GABRB3: variants seen among roughly 807,000 people sequenced by gnomAD.
GABRB3 encodes gamma-aminobutyric acid type A receptor subunit beta3, also known as gamma-aminobutyric acid receptor subunit beta-3.
GABRB3 carries 14 observed loss-of-function variants against 52.1 expected under a neutral mutation model. The observed-to-expected ratio is 0.27, with a 90% CI of 0.18 to 0.42. The LOEUF (loss-of-function observed/expected upper bound fraction) is 0.42, where lower values mean the gene tolerates loss of function less well. Ranked by LOEUF, GABRB3 falls within the 10% of genes least tolerant of loss-of-function variation. The pLI is 1.00. For missense variants in GABRB3, 307 were observed against 609.1 expected (o/e 0.50, Z 5.22); for synonymous variants, 260 against 232.3 (o/e 1.12, Z -1.08).
intron 8 of GABRB3, among the ~76,000 whole-genome samples, chr15:26,554,509 G>A (rs1889680529): frequency 6.6e-6 from 1 of 151,922 alleles, no homozygotes; most frequent in South Asian, 2.1e-4. Context: ...GAACTTTGAC[G>A]ATTCTAATGA....
At chr15:26,670,341 G>C (rs567374167) in intron 3 of GABRB3, among the ~76,000 whole-genome samples, 1 of 152,308 alleles carries the variant, frequency 6.6e-6, no homozygotes, top group African/African-American at 2.4e-5. Context: ...ACGGCGCACT[G>C]GACAGACCCG....
intron 3 of GABRB3, among the ~76,000 whole-genome samples, chr15:26,753,462 T>C (rs1890572606): frequency 6.6e-6 from 1 of 152,134 alleles, no homozygotes; most frequent in African/African-American, 2.4e-5. Flanking sequence ...GGTGAATAAT[T>C]ACATATTGGA....
intron 6 of GABRB3, among the ~76,000 whole-genome samples, chr15:26,570,993 A>AG (rs1329284938): frequency 6.6e-6 from 1 of 152,184 alleles, no homozygotes; most frequent in African/African-American, 2.4e-5. Flanking sequence ...GAATGAAAAT[A>AG]GGAGTATTTA....
chr15:26,656,704 C>T (rs1430550046), intron 3 of GABRB3, among the ~76,000 whole-genome samples: 1 of 152,150 alleles, frequency 6.6e-6, no homozygotes, highest in African/African-American at 2.4e-5. Flanking sequence ...TTATGAGAGT[C>T]GAATGCCTGA....
rs558946804 is a variant in GABRB3, at chr15:26,551,845, C to A, written c.1081-3711G>T. ...TGAGTGCTTGGAGATGGGAATGGAC[C>A]GAGATCACACCACCTGTGCTGGAAG... On this transcript the variant is annotated intron_variant, in intron 8 of 8. Coordinates refer to ENST00000311550, the MANE Select transcript of GABRB3 (RefSeq NM_000814.6). 5.9e-5 allele frequency among the ~76,000 whole-genome samples: 9 copies of A among 151,740 alleles called. No individual in the cohort carries two copies. The East Asian group carries it at 1.8e-3, about 30-fold the overall frequency.
intron 6 of GABRB3, among the ~76,000 whole-genome samples, chr15:26,574,883 T>C (rs1469282452): frequency 6.6e-6 from 1 of 152,208 alleles, no homozygotes; most frequent in Non-Finnish European, 1.5e-5. Flanking sequence ...AATTGTATGG[T>C]ATGCGAATTG....
At chr15:26,640,577 C>T (rs569509332) in intron 3 of GABRB3, among the ~76,000 whole-genome samples, 1 of 152,262 alleles carries the variant, frequency 6.6e-6, no homozygotes, top group Admixed American at 6.5e-5. Context: ...CATCAACTAT[C>T]AAGTTAATTG....
chr15:26,727,178 T>C (rs1444385106), intron 3 of GABRB3, among the ~76,000 whole-genome samples: 2 of 152,032 alleles, frequency 1.3e-5, no homozygotes, highest in Non-Finnish European at 2.9e-5. Context: ...GAAAAATCAC[T>C]CACCAGTTTT....
intron 3 of GABRB3, chr15:26,642,354 C>G (rs1433730499): frequency 2.0e-6 from 1 of 512,606 alleles, no homozygotes; most frequent in Non-Finnish European, 3.2e-6. Flanking sequence ...TTTTGGTGTA[C>G]TTGGAGGTAT....
At chr15:26,585,619 T>A (rs980258880) in intron 4 of GABRB3, among the ~76,000 whole-genome samples, 3 of 152,330 alleles carry the variant, frequency 2.0e-5, no homozygotes, top group African/African-American at 7.2e-5. Context: ...CAATGCTTAA[T>A]TTTTTATGCA....
At chr15:26,622,652 G>T (rs939440043) in intron 3 of GABRB3, among the ~76,000 whole-genome samples, 3 of 152,154 alleles carry the variant, frequency 2.0e-5, no homozygotes, top group Non-Finnish European at 4.4e-5. Context: ...CTCGACACAG[G>T]CCTCCTGACA....
rs192834714 is a variant in GABRB3 at position 26,569,388 on chromosome 15, G to T, written c.683-1655C>A. 2.0e-4 allele frequency: 30 copies of T among 152,280 alleles called. No homozygotes were observed. The East Asian group carries it at 4.8e-3, about 25-fold the overall frequency. The allele number at this position is 152,280 out of a possible 1,614,324, so 9.4% of individuals were successfully genotyped here. On this transcript the variant is annotated intron_variant, in intron 6 of 8. Coordinates refer to ENST00000311550, the MANE Select transcript of GABRB3 (RefSeq NM_000814.6). ...GTCTGTGTAGAATTTCTCTTACACAGCTCTGATCAAATGCATATATCACAT... is the reference window on the plus strand; with the variant it reads ...GTCTGTGTAGAATTTCTCTTACACATCTCTGATCAAATGCATATATCACAT...
At chr15:26,759,411 C>G (rs1165934918) in intron 3 of GABRB3, among the ~76,000 whole-genome samples, 1 of 152,174 alleles carries the variant, frequency 6.6e-6, no homozygotes, top group East Asian at 1.9e-4. Flanking sequence ...CAGGCACACG[C>G]CACCATGCCC....
chr15:26,599,035 T>C (rs1001765534), intron 4 of GABRB3, among the ~76,000 whole-genome samples: 1 of 151,720 alleles, frequency 6.6e-6, no homozygotes, highest in Non-Finnish European at 1.5e-5. Context: ...TGGAGAAGTG[T>C]GGAAGCTAGA....
intron 3 of GABRB3, among the ~76,000 whole-genome samples, chr15:26,730,798 A>G (rs1375803665): frequency 6.6e-6 from 1 of 152,228 alleles, no homozygotes; most frequent in Non-Finnish European, 1.5e-5. Flanking sequence ...TATCGCACGA[A>G]TTGCTCAATC....
At chr15:26,622,664 C>T (rs1232704439) in intron 3 of GABRB3, among the ~76,000 whole-genome samples, 5 of 152,192 alleles carry the variant, frequency 3.3e-5, no homozygotes, top group Admixed American at 3.3e-4. Flanking sequence ...CTCCTGACAA[C>T]CCCTCCAGTA....
intron 8 of GABRB3, among the ~76,000 whole-genome samples, chr15:26,554,017 C>CTATTTT (rs1889589356): frequency 4.0e-5 from 1 of 25,256 alleles, no homozygotes; most frequent in African/African-American, 3.1e-4. Flanking sequence ...TGACACCTGA[C>CTATTTT]TATTTATATA....
chr15:26,558,353 T>C (rs1315813419), intron 8 of GABRB3, among the ~76,000 whole-genome samples: 2 of 152,214 alleles, frequency 1.3e-5, no homozygotes, highest in Admixed American at 1.3e-4. Context: ...TCATGAATGT[T>C]CGTGGGCCTC....
intron 5 of GABRB3, among the ~76,000 whole-genome samples, chr15:26,581,686 C>T (rs1461047510): frequency 6.6e-6 from 1 of 151,636 alleles, no homozygotes; most frequent in Non-Finnish European, 1.5e-5. Context: ...GACACACCTC[C>T]AGATCTTCAC....
Sources: allele counts gnomAD v4.1 joint callset (sites outside exome capture counted in the v4.1 genomes callset), GRCh38; gene constraint gnomAD v4.1.1; transcripts MANE v1.5; gene names NCBI Gene and HGNC (gene_info 2026-07-23, HGNC 2026-07-21).